Variants in SNTG1 observed in about 807,000 individuals in gnomAD.
SNTG1 encodes the protein gamma-1-syntrophin.
Under a neutral mutation model 74.7 loss-of-function variants are expected in SNTG1, and 39 were observed. The ratio of observed to expected loss-of-function variants is 0.52; its 90% CI spans 0.40 to 0.68. The LOEUF is 0.68. Ranked by LOEUF, SNTG1 falls within the 30% of genes least tolerant of loss-of-function variation. SNTG1 has a pLI of 0.00. For missense variants in SNTG1, 685 were observed against 609.5 expected, an observed-to-expected ratio of 1.12 and a Z score of -1.30; for synonymous variants, 254 against 217.1, an observed-to-expected ratio of 1.17 and a Z score of -1.49.
At chr8:49,969,277 C>G (rs887319647) in intron 1 of SNTG1, among the ~76,000 whole-genome samples, 1 of 150,912 alleles carries the variant, frequency 6.6e-6, no homozygotes, top group Non-Finnish European at 1.5e-5. Flanking sequence ...GGCATTAATG[C>G]GAGGAAACCT....
chr8:50,128,486 A>G (rs2131387667), intron 1 of SNTG1, among the ~76,000 whole-genome samples: 1 of 152,286 alleles, frequency 6.6e-6, no homozygotes, highest in African/African-American at 2.4e-5. Context: ...TGTAGGTTCT[A>G]AAAGCAGTAA....
chr8:50,768,086 T>C (rs1269999813), intron 18 of SNTG1, among the ~76,000 whole-genome samples: 3 of 151,942 alleles, frequency 2.0e-5, no homozygotes, highest in Non-Finnish European at 2.9e-5. Context: ...TTGGGAAGAT[T>C]TTTAAATGGA....
chr8:50,651,767 A>G (rs2095148254), intron 13 of SNTG1, among the ~76,000 whole-genome samples: 1 of 138,554 alleles, frequency 7.2e-6, no homozygotes, highest in Admixed American at 7.4e-5. Flanking sequence ...TTATTTATTT[A>G]TTTATTTTCA....
intron 2 of SNTG1, among the ~76,000 whole-genome samples, chr8:50,204,872 A>G (rs910779129): frequency 3.3e-5 from 5 of 152,272 alleles, no homozygotes; most frequent in African/African-American, 1.2e-4. Context: ...TCCCAGCTTC[A>G]TCCATGTCCC....
intron 1 of SNTG1, among the ~76,000 whole-genome samples, chr8:49,950,394 T>C (rs1398639714): frequency 6.6e-6 from 1 of 152,212 alleles, no homozygotes; most frequent in African/African-American, 2.4e-5. Context: ...CTCAACATTT[T>C]ATATGCTATT....
chr8:50,099,734 A>C (rs544399685), intron 1 of SNTG1, among the ~76,000 whole-genome samples: 2 of 152,210 alleles, frequency 1.3e-5, no homozygotes, highest in African/African-American at 4.8e-5. Context: ...TCCCTGATGA[A>C]TAGTGATGTT....
At chr8:50,381,942 A>G (rs1303836318) in intron 2 of SNTG1, 1 of 150,812 alleles carries the variant, frequency 6.6e-6, no homozygotes, top group Non-Finnish European at 1.5e-5. Flanking sequence ...AACCAGTCTG[A>G]GTCCCAAAAA....
At chr8:50,463,660 T>G (rs1391983113) in intron 8 of SNTG1, among the ~76,000 whole-genome samples, 1 of 152,164 alleles carries the variant, frequency 6.6e-6, no homozygotes, top group African/African-American at 2.4e-5. Context: ...ATTCTATTCC[T>G]AGAGTACAGG....
chr8:50,564,131 A>T (rs544191106), intron 12 of SNTG1, among the ~76,000 whole-genome samples: 2,060 of 133,338 alleles, frequency 0.015, 39 homozygotes, highest in African/African-American at 0.048. Context: ...TTTTTTTTTT[A>T]AAATAGAAAT....
At chr8:49,931,466 A>G (rs1326414475) in intron 1 of SNTG1, among the ~76,000 whole-genome samples, 3 of 152,172 alleles carry the variant, frequency 2.0e-5, no homozygotes, top group African/African-American at 7.2e-5. Flanking sequence ...AATGCTCACT[A>G]TCTGGGTGAT....
At chr8:50,103,466 A>G (rs1015170109) in intron 1 of SNTG1, among the ~76,000 whole-genome samples, 2 of 152,196 alleles carry the variant, frequency 1.3e-5, no homozygotes, top group African/African-American at 4.8e-5. Context: ...TTGGGCTGAG[A>G]TGATGGGGTT....
At chr8:50,165,636 C>T (rs1486139708) in intron 1 of SNTG1, among the ~76,000 whole-genome samples, 2 of 152,174 alleles carry the variant, frequency 1.3e-5, no homozygotes, top group African/African-American at 2.4e-5. Context: ...ATTGCTGCCA[C>T]TATGGCCATG....
At chr8:49,945,922 G>A (rs1330211825) in intron 1 of SNTG1, among the ~76,000 whole-genome samples, 1 of 152,152 alleles carries the variant, frequency 6.6e-6, no homozygotes, top group Non-Finnish European at 1.5e-5. Flanking sequence ...CTGTATGAAA[G>A]CAGGTCATTA....
At chr8:50,458,484 A>G (rs1322202341) in intron 8 of SNTG1, among the ~76,000 whole-genome samples, 1 of 152,144 alleles carries the variant, frequency 6.6e-6, no homozygotes, top group Non-Finnish European at 1.5e-5. Context: ...TACTACATTC[A>G]ATAATTTTTA....
intron 8 of SNTG1, among the ~76,000 whole-genome samples, chr8:50,477,868 T>C (rs978392191): frequency 1.3e-5 from 2 of 152,232 alleles, no homozygotes; most frequent in African/African-American, 4.8e-5. Context: ...TGTTTACTTT[T>C]ATTTATTTTT....
chr8:50,596,250 C>G (rs2094726421), intron 13 of SNTG1, among the ~76,000 whole-genome samples: 1 of 151,846 alleles, frequency 6.6e-6, no homozygotes, highest in African/African-American at 2.4e-5. Flanking sequence ...TGTATATATT[C>G]TTTTGTGAAT....
rs1400150731 is a variant in SNTG1, at chr8:50,566,229, C to G, written c.810+13050C>G. 2.0e-5 allele frequency among the ~76,000 whole-genome samples: 3 copies of G among 151,904 alleles called. No homozygotes were observed. The East Asian group carries it at 5.8e-4, about 29-fold the overall frequency. ...ACTGTTGAAAGGTTTAATACTCCAACAAATACACTCCTCAAAATCATTGAC... is the reference window on the plus strand; with the variant it reads ...ACTGTTGAAAGGTTTAATACTCCAAGAAATACACTCCTCAAAATCATTGAC... On this transcript the variant is annotated intron_variant, in intron 12 of 18. Coordinates refer to ENST00000642720, the MANE Select transcript of SNTG1 (RefSeq NM_018967.5).
At chr8:50,679,818 A>G (rs1486683204) in intron 15 of SNTG1, among the ~76,000 whole-genome samples, 1 of 152,150 alleles carries the variant, frequency 6.6e-6, no homozygotes, top group Non-Finnish European at 1.5e-5. Context: ...TCATATTTGT[A>G]ACTTTTGAAG....
At chr8:50,101,393 A>T (rs191053279) in intron 1 of SNTG1, among the ~76,000 whole-genome samples, 47 of 152,216 alleles carry the variant, frequency 3.1e-4, no homozygotes, top group African/African-American at 1.1e-3. Context: ...TTGCATTCCC[A>T]CCAGCAGTGT....
Sources: gnomAD v4.1 joint callset for allele counts (sites outside exome capture counted in the v4.1 genomes callset) on GRCh38, gnomAD v4.1.1 for gene constraint, MANE v1.5 for transcripts, NCBI Gene and HGNC (gene_info 2026-07-23, HGNC 2026-07-21) for gene names.